Variants in RNLS observed in about 807,000 individuals in gnomAD.
The protein encoded by RNLS is renalase.
Under a neutral mutation model 39.8 loss-of-function variants are expected in RNLS, and 39 were observed. The observed-to-expected ratio is 0.98, with a 90% confidence interval of 0.76 to 1.28. RNLS has a LOEUF of 1.28. Ranked by LOEUF, RNLS falls within the 50% of genes most tolerant of loss-of-function variation. The pLI is 0.00. For synonymous variants in RNLS, 147 were observed against 150.7 expected (o/e 0.98, Z 0.18); for missense variants, 410 against 413.3 (o/e 0.99, Z 0.07).
the RNLS span, among the ~76,000 whole-genome samples, chr10:88,189,338 G>A: frequency 6.6e-6 from 1 of 152,116 alleles, no homozygotes; most frequent in Non-Finnish European, 1.5e-5. Context: ...TGACTTTGGA[G>A]TGTCAATAAC....
intron 4 of RNLS, among the ~76,000 whole-genome samples, chr10:88,430,272 T>G (rs1170007751): frequency 1.3e-5 from 2 of 151,880 alleles, no homozygotes; most frequent in Non-Finnish European, 2.9e-5. Context: ...AAATGTATTC[T>G]TTTAAACATT....
chr10:88,205,852 T>C, the RNLS span, among the ~76,000 whole-genome samples: 3 of 152,186 alleles, frequency 2.0e-5, no homozygotes, highest in African/African-American at 7.2e-5. Context: ...AGAGGCAATA[T>C]TCTCTTTTAA....
At chr10:88,362,531 G>C (rs768137638) in intron 5 of RNLS, 21 bp downstream of exon 5, 37 of 1,606,786 alleles carry the variant, frequency 2.3e-5, no homozygotes, top group Non-Finnish European at 3.1e-5. Flanking sequence ...TGTATTTAAG[G>C]GAAATAATAG....
chr10:88,193,276 C>T, the RNLS span, among the ~76,000 whole-genome samples: 2 of 152,042 alleles, frequency 1.3e-5, no homozygotes, highest in Admixed American at 1.3e-4. Context: ...TATTGACTCG[C>T]CCGAGAACTG....
intron 4 of RNLS, among the ~76,000 whole-genome samples, chr10:88,448,131 T>G (rs988316006): frequency 6.6e-6 from 1 of 152,094 alleles, no homozygotes. Flanking sequence ...CCAAAAGCAA[T>G]GGCAACAAAA....
intron 4 of RNLS, among the ~76,000 whole-genome samples, chr10:88,366,433 A>G (rs1349298096): frequency 1.3e-5 from 2 of 151,778 alleles, no homozygotes; most frequent in African/African-American, 4.8e-5. Context: ...TACAGTTTGG[A>G]TGAAATATAT....
intron 4 of RNLS, among the ~76,000 whole-genome samples, chr10:88,558,844 C>A (rs193032253): frequency 1.3e-5 from 2 of 152,068 alleles, no homozygotes; most frequent in African/African-American, 4.8e-5. Flanking sequence ...AAATGTAAGG[C>A]TAATAACTGT....
intron 4 of RNLS, among the ~76,000 whole-genome samples, chr10:88,508,543 T>C (rs937341341): frequency 6.6e-6 from 1 of 152,176 alleles, no homozygotes; most frequent in African/African-American, 2.4e-5. Flanking sequence ...CCTTTATTAG[T>C]GTTTTCCTAT....
the RNLS span, among the ~76,000 whole-genome samples, chr10:88,202,129 T>C: frequency 6.6e-6 from 1 of 151,936 alleles, no homozygotes; most frequent in African/African-American, 2.4e-5. Flanking sequence ...TAAAAAATGA[T>C]GAGTTCATGT....
the RNLS span, among the ~76,000 whole-genome samples, chr10:88,226,733 C>T: frequency 3.9e-4 from 54 of 137,498 alleles, no homozygotes; most frequent in African/African-American, 1.4e-3. Context: ...ATTCTTCTCC[C>T]TTCACTTTTT....
chr10:88,576,124 G>T (rs1037148621), intron 3 of RNLS, among the ~76,000 whole-genome samples: 1 of 152,094 alleles, frequency 6.6e-6, no homozygotes, highest in African/African-American at 2.4e-5. Context: ...AACCTACTGG[G>T]CTAGGTCCTT....
intron 4 of RNLS, among the ~76,000 whole-genome samples, chr10:88,542,402 G>C (rs1366524013): frequency 6.6e-6 from 1 of 152,098 alleles, no homozygotes; most frequent in African/African-American, 2.4e-5. Flanking sequence ...GTTTGTCTTT[G>C]TTTTATCTAA....
At chr10:88,420,055 T>TG (rs1854308707) in intron 4 of RNLS, among the ~76,000 whole-genome samples, 1 of 42,488 alleles carries the variant, frequency 2.4e-5, no homozygotes, top group African/African-American at 8.5e-5. Context: ...AATAAATAAA[T>TG]AAATGAATGA....
chr10:88,516,555 T>C (rs1023053252), intron 4 of RNLS, among the ~76,000 whole-genome samples: 3 of 152,014 alleles, frequency 2.0e-5, no homozygotes, highest in African/African-American at 4.8e-5. Context: ...AGAAGGCATA[T>C]GCATTCATGG....
At chr10:88,172,695 C>A in the RNLS span, among the ~76,000 whole-genome samples, 1 of 151,494 alleles carries the variant, frequency 6.6e-6, no homozygotes. Context: ...TCCCATTTAT[C>A]TATGTTTGCT....
intron 4 of RNLS, among the ~76,000 whole-genome samples, chr10:88,476,397 A>G (rs1843824873): frequency 6.6e-6 from 1 of 152,182 alleles, no homozygotes; most frequent in African/African-American, 2.4e-5. Flanking sequence ...CTAATTACAC[A>G]TAGTTTGCTG....
At chr10:88,419,775 C>A (rs555448706) in intron 4 of RNLS, among the ~76,000 whole-genome samples, 1 of 152,068 alleles carries the variant, frequency 6.6e-6, no homozygotes, top group South Asian at 2.1e-4. Context: ...GAGGCCGAGG[C>A]GGGCGGATCA....
chr10:88,426,550 A>G (rs552644216), intron 4 of RNLS, among the ~76,000 whole-genome samples: 8 of 152,210 alleles, frequency 5.3e-5, no homozygotes, highest in African/African-American at 1.9e-4. Context: ...GAGAAAAAAG[A>G]TGAAGAAATT....
At chr10:88,482,678 A>T (rs1844264264) in intron 4 of RNLS, among the ~76,000 whole-genome samples, 1 of 152,018 alleles carries the variant, frequency 6.6e-6, no homozygotes. Flanking sequence ...AATTTCTATG[A>T]TAATTTTTTC....
Sources: allele counts gnomAD v4.1 joint callset (sites outside exome capture counted in the v4.1 genomes callset), GRCh38; gene constraint gnomAD v4.1.1; transcripts MANE v1.5; gene names NCBI Gene and HGNC (gene_info 2026-07-23, HGNC 2026-07-21).